Variants in STAU2 observed in about 807,000 individuals in gnomAD.
STAU2 encodes double-stranded RNA-binding protein Staufen homolog 2.
In STAU2, 20 loss-of-function variants were observed where a neutral mutation model predicts 65.9. The observed-to-expected ratio is 0.30, with a 90% CI of 0.21 to 0.44. The LOEUF is 0.44. STAU2 is among the 20% of genes least tolerant of loss of function. STAU2 has a pLI of 1.00. For missense variants in STAU2, 558 were observed against 683.9 expected (o/e 0.82, Z 2.05); for synonymous variants, 232 against 233.9 (o/e 0.99, Z 0.07).
intron 12 of STAU2, among the ~76,000 whole-genome samples, chr8:73,564,370 A>C (rs1808449369): frequency 6.6e-6 from 1 of 152,184 alleles, no homozygotes; most frequent in African/African-American, 2.4e-5. Context: ...CATTTTCCTT[A>C]GCAAACTAAC....
intron 13 of STAU2, among the ~76,000 whole-genome samples, chr8:73,547,517 C>A (rs1201550153): frequency 6.6e-6 from 1 of 152,142 alleles, no homozygotes; most frequent in Non-Finnish European, 1.5e-5. Context: ...TGAACTGGGG[C>A]TGCCCACTGG....
chr8:73,539,775 G>A (rs772215957), intron 13 of STAU2, among the ~76,000 whole-genome samples: 24 of 151,814 alleles, frequency 1.6e-4, no homozygotes, highest in Non-Finnish European at 2.2e-4. Flanking sequence ...CCTGGGAGGC[G>A]GAGGCTGCAG....
chr8:73,459,410 A>C (rs1819230049), intron 13 of STAU2, among the ~76,000 whole-genome samples: 1 of 152,224 alleles, frequency 6.6e-6, no homozygotes, highest in Admixed American at 6.5e-5. Flanking sequence ...TTGAGAATAC[A>C]TTTTCCATAT....
At chr8:73,611,255 T>C (rs1812435915) in intron 9 of STAU2, among the ~76,000 whole-genome samples, 1 of 152,232 alleles carries the variant, frequency 6.6e-6, no homozygotes, top group Non-Finnish European at 1.5e-5. Context: ...TATACACATG[T>C]TGTTCTCTCA....
chr8:73,592,209 T>C (rs1396953359), intron 11 of STAU2, among the ~76,000 whole-genome samples: 3 of 151,514 alleles, frequency 2.0e-5, no homozygotes, highest in East Asian at 3.9e-4. Context: ...ATAAACCCCC[T>C]AGCTAAACTG....
intron 3 of STAU2, among the ~76,000 whole-genome samples, chr8:73,726,420 A>C (rs1049589527): frequency 6.6e-6 from 1 of 152,136 alleles, no homozygotes; most frequent in African/African-American, 2.4e-5. Flanking sequence ...TTTCCCAAAA[A>C]CTGTTGAAAT....
chr8:73,548,071 C>A (rs1436190144), intron 13 of STAU2, among the ~76,000 whole-genome samples: 1 of 151,918 alleles, frequency 6.6e-6, no homozygotes, highest in African/African-American at 2.4e-5. Context: ...ACTTGAGCGT[C>A]CATGAACTTT....
chr8:73,673,341 G>A, intron 5 of STAU2, 99 bp from the exon 6 acceptor site: 2 of 1,199,012 alleles, frequency 1.7e-6, no homozygotes, highest in Non-Finnish European at 2.2e-6. Flanking sequence ...ATGGAAGAAG[G>A]TAAGAATGGA....
intron 14 of STAU2, 81 bp from the exon 15 acceptor site, chr8:73,421,546 G>A (rs1211226989): frequency 7.6e-7 from 1 of 1,309,190 alleles, no homozygotes; most frequent in Admixed American, 2.1e-5. Flanking sequence ...ATGGCACAGA[G>A]GATTCAAAGG....
At chr8:73,481,516 C>CAAAAAAAAAAAAAAAAA (rs33917654) in intron 13 of STAU2, among the ~76,000 whole-genome samples, 1 of 137,592 alleles carries the variant, frequency 7.3e-6, no homozygotes. Flanking sequence ...AACAAAAAAA[C>CAAAAAAAAAAAAAAAAA]AAAAAAAAAA....
chr8:73,645,130 G>A (rs774780100), intron 6 of STAU2, among the ~76,000 whole-genome samples: 1 of 152,118 alleles, frequency 6.6e-6, no homozygotes, highest in Non-Finnish European at 1.5e-5. Flanking sequence ...GAATGCCAAA[G>A]GGGTTATGGT....
intron 13 of STAU2, among the ~76,000 whole-genome samples, chr8:73,477,896 T>G (rs746621376): frequency 7.9e-5 from 12 of 152,054 alleles, no homozygotes; most frequent in Non-Finnish European, 1.3e-4. Flanking sequence ...AGATAAAAAG[T>G]TGAAAACATG....
In STAU2 at chr8:73,544,070, T is replaced by C. The variant is rs1205122464; in HGVS notation, c.1530+7942A>G. On this transcript the variant is annotated intron_variant, in intron 13 of 14. Transcript: ENST00000524300. ...ACTTTGCCTAAACATCTCACACTCA[T>C]ACTATCTCACTTACTCCTAAAATGG... Among the ~76,000 whole-genome samples the C allele has an allele frequency of 2.0e-5, 3 of 152,196 alleles. No individual in the cohort carries two copies. In the East Asian group the frequency reaches 5.8e-4, roughly 29 times the overall value.
rs960065267 is a variant in STAU2, at chr8:73,672,857, A to G, written c.410+250T>C. On this transcript the variant is annotated intron_variant, in intron 6 of 14. Transcript: ENST00000524300. The stretch of plus-strand genomic sequence containing the variant: ...ACAAATACAGGGCCCTCATGACACA[A>G]TAAAAACTAGTTCCTTCAGATCTTT... 4 of 265,278 alleles carry G rather than the reference A, an allele frequency of 1.5e-5. 1 individual carries two copies. The South Asian group carries it at 4.1e-4, about 27-fold the overall frequency. The allele number at this position is 265,278 out of a possible 1,614,324, so 16.4% of individuals were successfully genotyped here.
At chr8:73,467,270 C>A (rs181889966) in intron 13 of STAU2, among the ~76,000 whole-genome samples, 1 of 152,204 alleles carries the variant, frequency 6.6e-6, no homozygotes, top group Admixed American at 6.5e-5. Flanking sequence ...CAGTGGCTCA[C>A]GCCTGTAATC....
chr8:73,651,574 C>A, intron 6 of STAU2: 1 of 817,676 alleles, frequency 1.2e-6, no homozygotes, highest in African/African-American at 1.7e-5. Context: ...CTTGGGCACC[C>A]CTGCCTGGGC....
chr8:73,713,847 A>T (rs1347830635), intron 3 of STAU2, among the ~76,000 whole-genome samples: 1 of 152,184 alleles, frequency 6.6e-6, no homozygotes, highest in Non-Finnish European at 1.5e-5. Context: ...TTCGCAAGGC[A>T]AATCATTCCA....
chr8:73,600,059 C>T (rs1400272211), intron 10 of STAU2, among the ~76,000 whole-genome samples: 1 of 152,158 alleles, frequency 6.6e-6, no homozygotes, highest in Admixed American at 6.5e-5. Context: ...TGAGCCACCA[C>T]GCCCAGCCTC....
intron 1 of STAU2, among the ~76,000 whole-genome samples, chr8:73,742,800 C>T (rs529200131): frequency 8.6e-5 from 13 of 151,996 alleles, no homozygotes; most frequent in African/African-American, 2.4e-4. Context: ...TGATATAAGT[C>T]GTACTTTAAT....
Sources: allele counts gnomAD v4.1 joint callset (sites outside exome capture counted in the v4.1 genomes callset), GRCh38; gene constraint gnomAD v4.1.1; transcripts MANE v1.5; gene names NCBI Gene and HGNC (gene_info 2026-07-23, HGNC 2026-07-21).